The following DLG5 variants were observed in gnomAD, a reference collection of about 807,000 sequenced individuals.
DLG5 encodes the protein discs large MAGUK scaffold protein 5.
In DLG5, 48 loss-of-function variants were observed where a neutral mutation model predicts 189.8. The observed-to-expected ratio is 0.25, with a 90% CI of 0.20 to 0.32. The LOEUF (loss-of-function observed/expected upper bound fraction) is 0.32, where lower values mean the gene tolerates loss of function less well. DLG5 is among the 10% of genes least tolerant of loss of function. The pLI is 1.00. For synonymous variants in DLG5, 1,016 were observed against 1,054.1 expected, an observed-to-expected ratio of 0.96 and a Z score of 0.70; for missense variants, 2,160 against 2,544.7, an observed-to-expected ratio of 0.85 and a Z score of 3.25.
chr10:77,854,502 G>A, intron 3 of DLG5, 132 bp from the exon 4 acceptor site: 1 of 1,218,734 alleles, frequency 8.2e-7, no homozygotes. Flanking sequence ...ACACCTGGGT[G>A]TTTGTTAAAC....
intron 1 of DLG5, among the ~76,000 whole-genome samples, chr10:77,901,202 A>G (rs1318502394): frequency 6.6e-6 from 1 of 152,170 alleles, no homozygotes; most frequent in African/African-American, 2.4e-5. Context: ...AGCAAGGCAC[A>G]ACTTATCAGT....
chr10:77,891,672 C>A (rs1264552266), intron 1 of DLG5, among the ~76,000 whole-genome samples: 2 of 151,990 alleles, frequency 1.3e-5, no homozygotes, highest in Non-Finnish European at 2.9e-5. Flanking sequence ...TCCCTCCAAC[C>A]CCGCTACACA....
chr10:77,845,637 AAGAGAAAGAG>A (rs1248615072), intron 5 of DLG5, among the ~76,000 whole-genome samples: 2 of 151,390 alleles, frequency 1.3e-5, no homozygotes, highest in African/African-American at 2.4e-5. Flanking sequence ...GGGGAGGAGA[AAGAGAAAGAG>A]AGAGAAAGAA....
At chr10:77,900,202 T>C (rs909303155) in intron 1 of DLG5, among the ~76,000 whole-genome samples, 3 of 152,118 alleles carry the variant, frequency 2.0e-5, no homozygotes, top group East Asian at 1.9e-4. Context: ...AGAAGCAGAT[T>C]TGGAGGCCAG....
the DLG5 span, among the ~76,000 whole-genome samples, chr10:77,938,680 T>C: frequency 2.0e-5 from 3 of 152,178 alleles, no homozygotes; most frequent in Non-Finnish European, 1.5e-5. Context: ...CCAGGCACTG[T>C]ACTGAGTGCT....
At chr10:77,912,816 G>A (rs547458982) in intron 1 of DLG5, among the ~76,000 whole-genome samples, 7 of 152,298 alleles carry the variant, frequency 4.6e-5, no homozygotes, top group African/African-American at 1.7e-4. Flanking sequence ...CTCAGCTCAC[G>A]CAAAGCAAGG....
intron 1 of DLG5, among the ~76,000 whole-genome samples, chr10:77,877,860 A>AGG (rs1845150530): frequency 6.6e-6 from 1 of 151,984 alleles, no homozygotes; most frequent in Non-Finnish European, 1.5e-5. Flanking sequence ...GGAGTGGAGC[A>AGG]GCGCCTCTGC....
chr10:77,902,449 A>G (rs1185690776), intron 1 of DLG5, among the ~76,000 whole-genome samples: 8 of 152,250 alleles, frequency 5.3e-5, no homozygotes. Flanking sequence ...GATCTATAGC[A>G]TGAGGTGATG....
rs763339425 is a variant in DLG5 at position 77,819,348 on chromosome 10, T to A, written c.3644A>T (p.Asp1215Val). The A allele has an allele frequency of 1.5e-5, 24 of 1,613,892 alleles. No individual in the cohort carries two copies. The highest frequency in any genetic ancestry group is 5.0e-5 in the Admixed American group (3 of 59,992). ...GGGATGCAAACCCTGGGGGCCAGCA[T>A]CTCGGGCCGCAGGTGGAGAGCTGCA... ...GPCSSPPAAR[D>V]AGPQGLHPSV... The change falls in exon 17 of 32, where the codon GAT becomes GTT. Residue 1215 changes from aspartate to valine, a missense_variant. Physicochemically the swap from Asp to Val is radical, Grantham distance 152. Coordinates refer to ENST00000372391, the MANE Select transcript of DLG5 (RefSeq NM_004747.4).
chr10:77,805,897 G>T (rs2289311), intron 26 of DLG5, 36 bp from the exon 27 acceptor site: 12 of 1,576,072 alleles, frequency 7.6e-6, no homozygotes, highest in Non-Finnish European at 1.0e-5. Flanking sequence ...CAGGGCCATC[G>T]AGACCCTGCT....
chr10:77,879,050 CA>C (rs1245324514), intron 1 of DLG5, among the ~76,000 whole-genome samples: 3 of 152,158 alleles, frequency 2.0e-5, no homozygotes, highest in Non-Finnish European at 2.9e-5. Flanking sequence ...AACAGGGTGA[CA>C]GGGGCGGGGG....
chr10:77,888,977 C>T (rs1845526633), intron 1 of DLG5, among the ~76,000 whole-genome samples: 1 of 152,158 alleles, frequency 6.6e-6, no homozygotes, highest in Non-Finnish European at 1.5e-5. Context: ...ATAAGATGAA[C>T]ACCTGGCTGT....
rs755087079 is a variant in DLG5 at position 77,794,166 on chromosome 10, CCT to C, written c.5547-51_5547-50del. Reference sequence around the variant, plus strand: ...GCTGAGCACTGAGCCTCCTCCAGGCCCTCTTTCCTTCCTCTGTCCAGGCTAAC... The same window carrying C: ...GCTGAGCACTGAGCCTCCTCCAGGCCCTTTCCTTCCTCTGTCCAGGCTAAC... On this transcript the variant is annotated intron_variant, in intron 30 of 31. Transcript: ENST00000372391. 4 of 1,545,902 alleles carry C rather than the reference CCT, an allele frequency of 2.6e-6. No homozygotes were observed. In the African/African-American group the frequency reaches 5.4e-5, roughly 21 times the overall value.
At chr10:77,915,958 C>T (rs1168944184) in intron 1 of DLG5, among the ~76,000 whole-genome samples, 2 of 152,116 alleles carry the variant, frequency 1.3e-5, no homozygotes, top group Non-Finnish European at 2.9e-5. Context: ...CAAAGAGTCA[C>T]ATGTAGGACA....
chr10:77,843,663 T>A lies in DLG5; in HGVS notation c.908A>T (p.Tyr303Phe). 1 of 1,614,042 alleles carries A rather than the reference T, an allele frequency of 6.2e-7. No homozygotes were observed. Among genetic ancestry groups the A allele is most frequent in the Non-Finnish European group, 8.5e-7 (1 of 1,180,016 alleles). The change falls in exon 6 of 32, where the codon TAT (tyrosine) becomes TTT (phenylalanine). Residue 303 changes from tyrosine to phenylalanine, a missense_variant. By Grantham distance (22) the Tyr-to-Phe change is conservative. Coordinates refer to ENST00000372391, the MANE Select transcript of DLG5 (RefSeq NM_004747.4). ...CTCCAACTTGTCCATGGCCGTGTCA[T>A]ACAGTTTGTTGAGAATCTCGGATGA... ...NGSSEILNKL[Y>F]DTAMDKLEVV...
At chr10:77,840,758 G>A (rs543624386) in intron 7 of DLG5, among the ~76,000 whole-genome samples, 34 of 152,182 alleles carry the variant, frequency 2.2e-4, no homozygotes, top group African/African-American at 7.9e-4. Context: ...AGAGAGGTTC[G>A]AGACCACATG....
chr10:77,872,650 ATTG>A (rs1564566873), intron 1 of DLG5, among the ~76,000 whole-genome samples: 1 of 152,104 alleles, frequency 6.6e-6, no homozygotes, highest in Non-Finnish European at 1.5e-5. Context: ...CTCTGCGGTT[ATTG>A]TTGTCCTAAA....
At chr10:77,937,538 G>A in the DLG5 span, among the ~76,000 whole-genome samples, 91 of 152,072 alleles carry the variant, frequency 6.0e-4, no homozygotes, top group South Asian at 2.1e-3. Flanking sequence ...CCTGAGAATT[G>A]AAAAAACCAA....
At chr10:77,852,253 C>T (rs1411576440) in intron 5 of DLG5, among the ~76,000 whole-genome samples, 1 of 152,048 alleles carries the variant, frequency 6.6e-6, no homozygotes, top group East Asian at 2.0e-4. Flanking sequence ...TGCCTGTAGT[C>T]CCAGCTACTA....
Sources: allele counts gnomAD v4.1 joint callset (sites outside exome capture counted in the v4.1 genomes callset), GRCh38; gene constraint gnomAD v4.1.1; transcripts MANE v1.5; gene names NCBI Gene and HGNC (gene_info 2026-07-23, HGNC 2026-07-21).